Variants in MIA2 observed in about 807,000 individuals in gnomAD.
MIA2 encodes the protein melanoma inhibitory activity protein 2.
In MIA2, 127 loss-of-function variants were observed where a neutral mutation model predicts 167.8. The observed-to-expected ratio is 0.76, with a 90% CI of 0.66 to 0.88. The LOEUF (loss-of-function observed/expected upper bound fraction) is 0.88, where lower values mean the gene tolerates loss of function less well. Ranked by LOEUF, MIA2 falls within the 40% of genes least tolerant of loss-of-function variation. MIA2 has a pLI of 0.00. For synonymous variants in MIA2, 552 were observed against 541.9 expected, an observed-to-expected ratio of 1.02 and a Z score of -0.26; for missense variants, 1,690 against 1,624.7, an observed-to-expected ratio of 1.04 and a Z score of -0.69.
downstream of MIA2, among the ~76,000 whole-genome samples, chr14:39,355,553 C>T (rs185104444): frequency 6.6e-6 from 1 of 152,086 alleles, no homozygotes; most frequent in African/African-American, 2.4e-5. Flanking sequence ...TTTCCTTCTC[C>T]TGCCTGATTG....
intron 6 of MIA2, among the ~76,000 whole-genome samples, chr14:39,258,190 G>A (rs1051197162): frequency 4.6e-5 from 7 of 152,110 alleles, no homozygotes; most frequent in Non-Finnish European, 1.0e-4. Flanking sequence ...TTCCAACTTG[G>A]TTCCATTCTC....
rs751864446 is a variant in MIA2, at chr14:39,348,897, C to T, written c.3992C>T (p.Pro1331Leu). ...LRRGPPFPPP[P>L]PGAMFGASRD... Reference sequence around the variant, plus strand: ...AGAGGACCTCCTTTCCCCCCACCTCCTCCAGGAGCCATGTTTGGAGCTTCT... The same window carrying T: ...AGAGGACCTCCTTTCCCCCCACCTCTTCCAGGAGCCATGTTTGGAGCTTCT... Residue 1331 changes from proline (P) to leucine (L), a missense_variant, in exon 28 of 29, where the codon CCT becomes CTT. Pro to Leu is a moderately conservative substitution (Grantham distance 98). Coordinates refer to ENST00000640607, the MANE Select transcript of MIA2 (RefSeq NM_001329214.4). The T allele has an allele frequency of 3.7e-6, 6 of 1,614,142 alleles. No individual in the cohort carries two copies. The highest frequency in any genetic ancestry group is 1.7e-5 in the Admixed American group (1 of 60,010).
intron 24 of MIA2, among the ~76,000 whole-genome samples, chr14:39,323,086 G>T (rs1158131329): frequency 6.6e-6 from 1 of 152,130 alleles, no homozygotes. Context: ...CATATTTTTG[G>T]AACTCTTCCT....
chr14:39,353,164 TTGAG>T (rs1382173738), downstream of MIA2, among the ~76,000 whole-genome samples: 1 of 152,368 alleles, frequency 6.6e-6, no homozygotes, highest in South Asian at 2.1e-4. Flanking sequence ...ATCCACCATC[TTGAG>T]TATTTATCAT....
chr14:39,279,392 T>TG, intron 8 of MIA2, 34 bp downstream of exon 8: 1 of 1,606,746 alleles, frequency 6.2e-7, no homozygotes, highest in Non-Finnish European at 8.5e-7. Flanking sequence ...CTCTCATTGT[T>TG]GTGTTGTAAA....
At chr14:39,273,154 T>A (rs2057424157) in intron 6 of MIA2, among the ~76,000 whole-genome samples, 1 of 152,158 alleles carries the variant, frequency 6.6e-6, no homozygotes, top group East Asian at 1.9e-4. Context: ...CTTTCCTAAT[T>A]GCTCTGGCTA....
chr14:39,376,964 G>T (rs1483887038), intron 23 of MIA2, among the ~76,000 whole-genome samples: 1 of 152,228 alleles, frequency 6.6e-6, no homozygotes. Context: ...TTGCTTGCAT[G>T]ACTCAGCTTT....
Position 39,247,422 on chromosome 14 carries a change from A to G in MIA2, c.848A>G (p.Glu283Gly). Reference protein sequence around the residue: ...QTEHQQESESEIDSVPKTQSE... With the variant: ...QTEHQQESESGIDSVPKTQSE... The stretch of plus-strand genomic sequence containing the variant: ...GAACATCAGCAAGAATCTGAATCAG[A>G]AATTGATTCAGTGCCAAAGACACAG... The change falls in exon 4 of 29, where the codon GAA (glutamate) becomes GGA (glycine). Residue 283 changes from glutamate to glycine, a missense_variant. Physicochemically the swap from Glu to Gly is moderately conservative, Grantham distance 98. Transcript: ENST00000640607. The G allele has an allele frequency of 3.1e-6, 5 of 1,614,118 alleles. No individual in the cohort carries two copies. Among genetic ancestry groups the G allele is most frequent in the Non-Finnish European group, 4.2e-6 (5 of 1,180,016 alleles).
At chr14:39,284,754 T>G (rs2059385750) in intron 9 of MIA2, among the ~76,000 whole-genome samples, 1 of 151,482 alleles carries the variant, frequency 6.6e-6, no homozygotes, top group Middle Eastern at 3.2e-3. Context: ...TTTTTTCTTT[T>G]TTTTATTTTT....
chr14:39,284,750 CTTTTT>C (rs1181601296), intron 9 of MIA2, among the ~76,000 whole-genome samples: 8 of 147,196 alleles, frequency 5.4e-5, no homozygotes, highest in East Asian at 2.0e-4. Context: ...CTTTTTTTTT[CTTTTT>C]TTTATTTTTT....
intron 26 of MIA2, 23 bp from the exon 27 acceptor site, chr14:39,347,690 C>T (rs1318281379): frequency 6.2e-7 from 1 of 1,609,116 alleles, no homozygotes; most frequent in South Asian, 1.1e-5. Flanking sequence ...ATGTACTTTT[C>T]ATGGTTTAAC....
chr14:39,345,178 C>T (rs887994530), intron 25 of MIA2, among the ~76,000 whole-genome samples: 9 of 152,018 alleles, frequency 5.9e-5, no homozygotes, highest in Non-Finnish European at 1.2e-4. Context: ...CCACTGGGTT[C>T]AGGTGATTCT....
At chr14:39,333,827 C>T (rs923782766) in intron 25 of MIA2, among the ~76,000 whole-genome samples, 2 of 152,088 alleles carry the variant, frequency 1.3e-5, no homozygotes, top group African/African-American at 2.4e-5. Flanking sequence ...ACCTGGTCTC[C>T]GTACTTTTCA....
At chr14:39,385,658 T>C (rs771071031) in intron 23 of MIA2, 9 of 937,334 alleles carry the variant, frequency 9.6e-6, no homozygotes, top group Admixed American at 1.7e-5. Context: ...TCTAAAAGCT[T>C]AAATGCAATC....
chr14:39,310,722 G>A (rs947098805), intron 18 of MIA2, among the ~76,000 whole-genome samples: 10 of 152,328 alleles, frequency 6.6e-5, no homozygotes, highest in African/African-American at 1.7e-4. Flanking sequence ...GCTTCTTTGA[G>A]ATCAGGATGC....
At chr14:39,304,228 T>C in intron 16 of MIA2, 63 bp from the exon 17 acceptor site, 1 of 639,246 alleles carries the variant, frequency 1.6e-6, no homozygotes, top group Non-Finnish European at 2.4e-6. Context: ...GGTTTTATTT[T>C]TTATTTTTAT....
At position 39,233,925 on chromosome 14, in the gene MIA2, A is replaced by G; in HGVS notation, c.-190A>G. The G allele has an allele frequency of 2.2e-6, 1 of 462,520 alleles. No homozygotes were observed. Among genetic ancestry groups the G allele is most frequent in the Non-Finnish European group, 3.8e-6 (1 of 262,134 alleles). 28.7% of individuals were successfully genotyped at this position (462,520 alleles called of 1,614,324 possible). A position where few individuals can be genotyped will look rare whatever the true frequency, so the allele number is the denominator to read the frequency against. On this transcript the variant is annotated 5_prime_UTR_variant, in exon 1 of 29. Transcript: ENST00000640607. ...CTGACACTGCAGATTGAAAACAGAC[A>G]GTGTTTGTCTCTCAAGTTAAACCAA...
intron 3 of MIA2, among the ~76,000 whole-genome samples, chr14:39,245,367 T>C (rs919019294): frequency 6.6e-5 from 10 of 152,056 alleles, no homozygotes; most frequent in Non-Finnish European, 1.3e-4. Context: ...TACACTAATA[T>C]AGCTGATGAG....
intron 2 of MIA2, among the ~76,000 whole-genome samples, chr14:39,239,299 G>A (rs2053936079): frequency 6.6e-6 from 1 of 152,084 alleles, no homozygotes; most frequent in African/African-American, 2.4e-5. Context: ...TAATCCCAGT[G>A]CTTTGGGAAG....
Sources: gnomAD v4.1 joint callset for allele counts (sites outside exome capture counted in the v4.1 genomes callset) on GRCh38, gnomAD v4.1.1 for gene constraint, MANE v1.5 for transcripts, NCBI Gene and HGNC (gene_info 2026-07-23, HGNC 2026-07-21) for gene names.